DLGAP1: variants seen among roughly 807,000 people sequenced by gnomAD.
DLGAP1 encodes DLG associated protein 1.
DLGAP1 carries 11 observed loss-of-function variants against 90.8 expected under a neutral mutation model. That is an observed-to-expected ratio of 0.12 (90% CI 0.08 to 0.20). The LOEUF (loss-of-function observed/expected upper bound fraction) is 0.20, where lower values mean the gene tolerates loss of function less well. Ranked by LOEUF, DLGAP1 falls within the 10% of genes least tolerant of loss-of-function variation. The pLI, the probability that DLGAP1 is intolerant of heterozygous loss-of-function variation, is 1.00. For synonymous variants in DLGAP1, 558 were observed against 540.7 expected (o/e 1.03, Z -0.44); for missense variants, 1,050 against 1,333.8 (o/e 0.79, Z 3.31).
At chr18:3,552,648 C>T (rs994433528) in intron 9 of DLGAP1, among the ~76,000 whole-genome samples, 14 of 152,268 alleles carry the variant, frequency 9.2e-5, no homozygotes, top group Non-Finnish European at 1.3e-4. Context: ...GTATAGTCAC[C>T]CTGCTCTCAA....
chr18:4,199,739 G>A (rs1380731024), intron 1 of DLGAP1, among the ~76,000 whole-genome samples: 1 of 152,178 alleles, frequency 6.6e-6, no homozygotes, highest in Admixed American at 6.5e-5. Flanking sequence ...AGAATGCAAG[G>A]TGTTTTGCTT....
intron 1 of DLGAP1, among the ~76,000 whole-genome samples, chr18:4,211,081 T>C (rs935411977): frequency 6.6e-6 from 1 of 152,234 alleles, no homozygotes; most frequent in Non-Finnish European, 1.5e-5. Context: ...AGGTAGAAAC[T>C]AGTTTTCTCA....
At chr18:3,504,729 C>T (rs2050123896) in intron 11 of DLGAP1, among the ~76,000 whole-genome samples, 1 of 152,162 alleles carries the variant, frequency 6.6e-6, no homozygotes, top group Non-Finnish European at 1.5e-5. Context: ...GCAACTCGTT[C>T]CCTTCTCATA....
At chr18:3,854,120 A>G (rs1026211024) in intron 4 of DLGAP1, among the ~76,000 whole-genome samples, 1 of 152,198 alleles carries the variant, frequency 6.6e-6, no homozygotes, top group Non-Finnish European at 1.5e-5. Context: ...CCTCCCCCTA[A>G]TAACACCTGT....
At chr18:4,104,905 A>T (rs28569780) in intron 2 of DLGAP1, among the ~76,000 whole-genome samples, 67,466 of 152,068 alleles carry the variant, frequency 0.44, 16,300 homozygotes, top group African/African-American at 0.65. Flanking sequence ...ATCTTCCTGT[A>T]TTCCTTCATG....
intron 3 of DLGAP1, among the ~76,000 whole-genome samples, chr18:3,898,206 T>G (rs897440942): frequency 1.3e-5 from 2 of 152,256 alleles, no homozygotes; most frequent in African/African-American, 4.8e-5. Context: ...GAATTTTCTT[T>G]GAGTTTCATG....
intron 7 of DLGAP1, among the ~76,000 whole-genome samples, chr18:3,702,208 C>G (rs113277345): frequency 6.6e-6 from 1 of 152,144 alleles, no homozygotes; most frequent in African/African-American, 2.4e-5. Context: ...TCTGCCACCA[C>G]GCCCGGCATG....
chr18:3,699,266 C>T (rs977747439), intron 7 of DLGAP1, among the ~76,000 whole-genome samples: 29 of 152,152 alleles, frequency 1.9e-4, no homozygotes, highest in African/African-American at 6.8e-4. Context: ...CTGGTTTTTC[C>T]TCATCTTCGT....
chr18:3,648,121 C>G (rs2059183675), intron 7 of DLGAP1, among the ~76,000 whole-genome samples: 1 of 152,214 alleles, frequency 6.6e-6, no homozygotes, highest in African/African-American at 2.4e-5. Context: ...CACTTAAGCA[C>G]ACATGTCGGT....
chr18:4,343,658 G>A (rs1270719435), intron 1 of DLGAP1, among the ~76,000 whole-genome samples: 2 of 152,030 alleles, frequency 1.3e-5, no homozygotes, highest in Non-Finnish European at 2.9e-5. Flanking sequence ...GGGGGGTCGG[G>A]GGCTAGGGGA....
At chr18:3,876,161 A>G (rs1353459297) in intron 4 of DLGAP1, among the ~76,000 whole-genome samples, 2 of 152,136 alleles carry the variant, frequency 1.3e-5, no homozygotes, top group Admixed American at 1.3e-4. Flanking sequence ...CTTCCTCAGC[A>G]GAGCTTGCAC....
intron 3 of DLGAP1, chr18:3,894,564 C>T (rs929381553): frequency 2.6e-5 from 4 of 152,090 alleles, no homozygotes. Flanking sequence ...ATGCTAGTAT[C>T]TTGCTATTTT....
intron 1 of DLGAP1, among the ~76,000 whole-genome samples, chr18:4,195,558 AT>A (rs530937321): frequency 8.7e-5 from 13 of 149,474 alleles, no homozygotes; most frequent in Non-Finnish European, 1.3e-4. Context: ...TTATCTATTT[AT>A]TTTTTTTTTG....
At chr18:3,892,485 T>C (rs895565760) in intron 3 of DLGAP1, among the ~76,000 whole-genome samples, 2 of 152,262 alleles carry the variant, frequency 1.3e-5, no homozygotes, top group South Asian at 2.1e-4. Flanking sequence ...CAAATTCTTA[T>C]CCCTTCTTGA....
chr18:3,928,452 T>C (rs763823203), intron 3 of DLGAP1, among the ~76,000 whole-genome samples: 5 of 152,208 alleles, frequency 3.3e-5, no homozygotes, highest in Non-Finnish European at 5.9e-5. Context: ...GTTTAATTTA[T>C]TGATGGTTTT....
At chr18:3,860,306 T>TC (rs148731686) in intron 4 of DLGAP1, among the ~76,000 whole-genome samples, 19,920 of 151,952 alleles carry the variant, frequency 0.13, 1,331 homozygotes, top group Admixed American at 0.15. Context: ...TAACACTGTG[T>TC]TTTTTCAGGC....
At chr18:3,700,340 A>C (rs2061239831) in intron 7 of DLGAP1, among the ~76,000 whole-genome samples, 1 of 152,194 alleles carries the variant, frequency 6.6e-6, no homozygotes, top group Non-Finnish European at 1.5e-5. Flanking sequence ...TGTTCCTCAC[A>C]GCACAGTCCC....
intron 10 of DLGAP1, among the ~76,000 whole-genome samples, chr18:3,511,329 C>T (rs1270750867): frequency 4.0e-5 from 6 of 151,752 alleles, no homozygotes; most frequent in African/African-American, 7.3e-5. Flanking sequence ...ATTAGACACT[C>T]ACTCTGTGTG....
At chr18:4,387,634 G>C (rs1256344730) in intron 1 of DLGAP1, among the ~76,000 whole-genome samples, 1 of 152,150 alleles carries the variant, frequency 6.6e-6, no homozygotes, top group Non-Finnish European at 1.5e-5. Flanking sequence ...TACAGCAGAA[G>C]GGAAGAATGA....
Sources: gnomAD v4.1 joint callset for allele counts (sites outside exome capture counted in the v4.1 genomes callset) on GRCh38, gnomAD v4.1.1 for gene constraint, MANE v1.5 for transcripts, NCBI Gene and HGNC (gene_info 2026-07-23, HGNC 2026-07-21) for gene names.